RBFOX1: variants seen among roughly 807,000 people sequenced by gnomAD.
The protein encoded by RBFOX1 is RNA binding fox-1 homolog 1.
A neutral mutation model predicts 57.7 loss-of-function variants in RBFOX1; 8 were observed. The ratio of observed to expected loss-of-function variants is 0.14; its 90% confidence interval spans 0.08 to 0.25. RBFOX1 has a LOEUF of 0.25. Ranked by LOEUF, RBFOX1 falls within the 10% of genes least tolerant of loss-of-function variation. The pLI is 1.00. For missense variants in RBFOX1, 611 were observed against 548.5 expected (o/e 1.11, Z -1.14); for synonymous variants, 326 against 222.4 (o/e 1.47, Z -4.15).
At position 6,337,954 on chromosome 16, in the gene RBFOX1, G is replaced by A. The variant is rs42487; in HGVS notation, c.-64+20897G>A. Among the ~76,000 whole-genome samples the A allele has an allele frequency of 7.7e-3, 1,169 of 152,206 alleles. 20 individuals are homozygous for A. Among genetic ancestry groups the A allele is most frequent in the African/African-American group, 0.027 (1,101 of 41,528 alleles). ...ATGCATGCCAAATCACTAAGTGGAT[G>A]GCATTTTCACAAAGTCAGAAAAGCG... On this transcript the variant is annotated intron_variant, in intron 2 of 15. Transcript: ENST00000550418.
intron 1 of RBFOX1, among the ~76,000 whole-genome samples, chr16:6,123,081 C>A (rs1340777495): frequency 1.3e-5 from 2 of 152,038 alleles, no homozygotes; most frequent in African/African-American, 4.8e-5. Flanking sequence ...AGGAACATTG[C>A]AAAATTTTAG....
chr16:6,853,776 G>T (rs7204372), intron 3 of RBFOX1, among the ~76,000 whole-genome samples: 9,364 of 152,120 alleles, frequency 0.062, 1,009 homozygotes, highest in African/African-American at 0.21. Flanking sequence ...GCTGCACTCT[G>T]ACCTCACTTG....
intron 2 of RBFOX1, among the ~76,000 whole-genome samples, chr16:6,531,769 T>C (rs1010857231): frequency 1.3e-5 from 2 of 152,112 alleles, no homozygotes; most frequent in Admixed American, 1.3e-4. Flanking sequence ...ACAAAGTAAT[T>C]ATCCTTCGTG....
intron 3 of RBFOX1, among the ~76,000 whole-genome samples, chr16:6,672,416 A>G (rs746796114): frequency 1.3e-5 from 2 of 151,114 alleles, no homozygotes; most frequent in Non-Finnish European, 3.0e-5. Context: ...GGACGGATGG[A>G]TGGAAGGAAG....
At chr16:6,471,486 G>A (rs1459631480) in intron 2 of RBFOX1, among the ~76,000 whole-genome samples, 2 of 151,956 alleles carry the variant, frequency 1.3e-5, no homozygotes, top group African/African-American at 4.8e-5. Flanking sequence ...GGAATGCAAT[G>A]GGCATTCATG....
intron 4 of RBFOX1, chr16:7,304,129 G>T (rs957656705): frequency 2.5e-5 from 21 of 846,504 alleles, no homozygotes; most frequent in Admixed American, 1.2e-4. Flanking sequence ...CACATCCCCA[G>T]GCGGGGAGAG....
chr16:7,535,377 G>A (rs950864715), intron 5 of RBFOX1, among the ~76,000 whole-genome samples: 28 of 152,162 alleles, frequency 1.8e-4, no homozygotes, highest in African/African-American at 6.0e-4. Context: ...TATTCACAGC[G>A]AGGATGTTGG....
At chr16:6,586,419 A>G (rs1277724824) in intron 2 of RBFOX1, among the ~76,000 whole-genome samples, 1 of 152,162 alleles carries the variant, frequency 6.6e-6, no homozygotes, top group Non-Finnish European at 1.5e-5. Context: ...TGCATCATCC[A>G]TTTGTGACTT....
intron 4 of RBFOX1, among the ~76,000 whole-genome samples, chr16:7,062,913 T>A (rs2054895080): frequency 1.4e-5 from 2 of 142,836 alleles, no homozygotes; most frequent in African/African-American, 5.2e-5. Context: ...TTTTTTTTTT[T>A]TTTTTTTTTT....
chr16:6,992,220 G>C (rs1346500256), intron 3 of RBFOX1, among the ~76,000 whole-genome samples: 1 of 151,130 alleles, frequency 6.6e-6, no homozygotes, highest in African/African-American at 2.4e-5. Flanking sequence ...CTGGAGTGCA[G>C]TGGTGCAATC....
At chr16:7,440,736 GA>G (rs1287224075) in intron 4 of RBFOX1, among the ~76,000 whole-genome samples, 16 of 152,142 alleles carry the variant, frequency 1.1e-4, no homozygotes, top group African/African-American at 3.9e-4. Flanking sequence ...AGGGAAGAAG[GA>G]AAGGAAATGA....
chr16:7,686,459 C>T (rs1309017699), intron 14 of RBFOX1, among the ~76,000 whole-genome samples: 2 of 152,168 alleles, frequency 1.3e-5, no homozygotes, highest in Non-Finnish European at 2.9e-5. Context: ...CCCAATCTCC[C>T]AGTATAAACC....
At chr16:5,249,969 G>A (rs1404634799) in intron 1 of RBFOX1, among the ~76,000 whole-genome samples, 1 of 151,818 alleles carries the variant, frequency 6.6e-6, no homozygotes, top group Non-Finnish European at 1.5e-5. Context: ...GCAGGTTGCA[G>A]TGAGGAGCAG....
intron 2 of RBFOX1, among the ~76,000 whole-genome samples, chr16:6,569,774 G>C (rs977676211): frequency 6.6e-6 from 1 of 152,130 alleles, no homozygotes; most frequent in African/African-American, 2.4e-5. Flanking sequence ...ACCTTCCTGA[G>C]TGGTTGGCCA....
intron 2 of RBFOX1, among the ~76,000 whole-genome samples, chr16:6,625,429 C>T (rs1004651120): frequency 5.9e-5 from 9 of 152,096 alleles, no homozygotes; most frequent in East Asian, 1.9e-4. Context: ...AAGTAAAAAT[C>T]GTCTTGTAGC....
chr16:6,480,371 C>G (rs886152169), intron 2 of RBFOX1, among the ~76,000 whole-genome samples: 3 of 152,180 alleles, frequency 2.0e-5, no homozygotes, highest in Admixed American at 1.3e-4. Context: ...ACACTAAACT[C>G]CGCATTTGCA....
At chr16:6,823,143 G>A (rs1399803333) in intron 3 of RBFOX1, among the ~76,000 whole-genome samples, 6 of 152,126 alleles carry the variant, frequency 3.9e-5, no homozygotes, top group African/African-American at 1.4e-4. Flanking sequence ...TTTGATAGAA[G>A]CCAGGACCAT....
intron 4 of RBFOX1, among the ~76,000 whole-genome samples, chr16:5,987,757 T>G (rs1305025857): frequency 6.6e-6 from 1 of 152,206 alleles, no homozygotes; most frequent in Non-Finnish European, 1.5e-5. Context: ...AGGTTTATCT[T>G]TTTTGTTTTT....
At chr16:7,329,123 G>T (rs989628386) in intron 4 of RBFOX1, among the ~76,000 whole-genome samples, 1 of 152,212 alleles carries the variant, frequency 6.6e-6, no homozygotes, top group Admixed American at 6.5e-5. Flanking sequence ...TTGCAGCAGA[G>T]ATTGTAAGTT....
Sources: allele counts gnomAD v4.1 joint callset (sites outside exome capture counted in the v4.1 genomes callset), GRCh38; gene constraint gnomAD v4.1.1; transcripts MANE v1.5; gene names NCBI Gene and HGNC (gene_info 2026-07-23, HGNC 2026-07-21).